Variants in CCDC187 observed in about 807,000 individuals in gnomAD.
CCDC187 encodes the protein coiled-coil domain-containing protein 187.
A neutral mutation model predicts 38.0 loss-of-function variants in CCDC187; 32 were observed. The observed-to-expected ratio is 0.84, with a 90% CI of 0.64 to 1.13. The LOEUF (loss-of-function observed/expected upper bound fraction) is 1.13, where lower values mean the gene tolerates loss of function less well. CCDC187 is among the 50% of genes most tolerant of loss of function. The pLI is 0.00. For missense variants in CCDC187, 707 were observed against 786.8 expected, an observed-to-expected ratio of 0.90 and a Z score of 1.21; for synonymous variants, 333 against 347.9, an observed-to-expected ratio of 0.96 and a Z score of 0.48.
intron 10 of CCDC187, among the ~76,000 whole-genome samples, chr9:136,278,306 G>A (rs1264674660): frequency 6.6e-6 from 1 of 152,224 alleles, no homozygotes; most frequent in Non-Finnish European, 1.5e-5. Flanking sequence ...TGTGGCCTGA[G>A]GAGGGGGAGT....
intron 19 of CCDC187, among the ~76,000 whole-genome samples, chr9:136,261,096 C>A (rs1354443361): frequency 6.6e-6 from 1 of 152,164 alleles, no homozygotes; most frequent in African/African-American, 2.4e-5. Flanking sequence ...CCTCGGCACG[C>A]GGCGTCTCAG....
chr9:136,284,326 G>A (rs1242531338), intron 9 of CCDC187, among the ~76,000 whole-genome samples: 1 of 152,170 alleles, frequency 6.6e-6, no homozygotes, highest in African/African-American at 2.4e-5. Context: ...CCCAGGCCCT[G>A]ATGTCTGGGG....
At chr9:136,272,762 G>A (rs1024868080) in intron 14 of CCDC187, among the ~76,000 whole-genome samples, 1 of 151,530 alleles carries the variant, frequency 6.6e-6, no homozygotes, top group Non-Finnish European at 1.5e-5. Flanking sequence ...TGGTCCCAGC[G>A]ACTTGGGAGG....
At chr9:136,281,291 G>A (rs934705456) in intron 10 of CCDC187, 1 of 397,676 alleles carries the variant, frequency 2.5e-6, no homozygotes, top group East Asian at 3.6e-5. Flanking sequence ...AGCGGCACGG[G>A]GCATGGCTGT....
At chr9:136,290,101 C>T (rs2131302197) in intron 6 of CCDC187, 48 bp from the exon 7 acceptor site, 1 of 398,720 alleles carries the variant, frequency 2.5e-6, no homozygotes, top group African/African-American at 2.1e-5. Context: ...GGGAAGACCA[C>T]ACGCCCCGTT....
At chr9:136,265,163 T>C (rs1830729463) in intron 17 of CCDC187, among the ~76,000 whole-genome samples, 1 of 152,228 alleles carries the variant, frequency 6.6e-6, no homozygotes, top group Non-Finnish European at 1.5e-5. Context: ...CCCTTGAGCC[T>C]GTGACCTGGG....
At chr9:136,267,691 C>A (rs529003417) in intron 15 of CCDC187, 180 bp from the exon 16 acceptor site, 17 of 925,728 alleles carry the variant, frequency 1.8e-5, no homozygotes, top group Non-Finnish European at 2.2e-5. Context: ...ATGCCGCCCT[C>A]GCTTCCCCGA....
chr9:136,300,559 G>A (rs1831654110), intron 2 of CCDC187, among the ~76,000 whole-genome samples: 1 of 151,788 alleles, frequency 6.6e-6, no homozygotes, highest in South Asian at 2.1e-4. Flanking sequence ...GCCAACAGGT[G>A]CTGGCCACCA....
At chr9:136,293,927 C>A (rs1346287001) in intron 4 of CCDC187, among the ~76,000 whole-genome samples, 1 of 146,992 alleles carries the variant, frequency 6.8e-6, no homozygotes, top group Non-Finnish European at 1.5e-5. Flanking sequence ...TATACACACT[C>A]CCTCGTGCTC....
intron 9 of CCDC187, among the ~76,000 whole-genome samples, chr9:136,284,602 C>T (rs951532283): frequency 0.32 from 48,505 of 151,744 alleles, 7,934 homozygotes; most frequent in Non-Finnish European, 0.34. Flanking sequence ...CAGGGAGCCG[C>T]GGGGACCAGG....
At chr9:136,255,517 G>A (rs2131105761) in intron 25 of CCDC187, 140 bp downstream of exon 25, 1 of 230,546 alleles carries the variant, frequency 4.3e-6, no homozygotes, top group East Asian at 1.8e-4. Context: ...GAGGTGCGTG[G>A]GCAGAGCCCC....
chr9:136,254,754 G>A lies in CCDC187; in HGVS notation c.5074C>T (p.Pro1692Ser). 1 of 985,534 alleles carries A rather than the reference G, an allele frequency of 1.0e-6. No individual in the cohort carries two copies. The highest frequency in any genetic ancestry group is 1.1e-4 in the East Asian group (1 of 8,818). The allele number at this position is 985,534 out of a possible 1,614,324, so 61.0% of individuals were successfully genotyped here. Reference sequence around the variant, plus strand: ...CCTCCACCCCCAGGAGCACTGCCTGGCCGAGGCTCACCCTGGTTTGACCGC... The same window carrying A: ...CCTCCACCCCCAGGAGCACTGCCTGACCGAGGCTCACCCTGGTTTGACCGC... ...SWRSNQGEPR[P>S]GSAPGGGGWV... Residue 1692 changes from proline to serine, a missense_variant, in exon 26 of 26, where the codon CCA becomes TCA. Transcript: ENST00000638797.
chr9:136,267,963 G>A, intron 15 of CCDC187, 86 bp downstream of exon 15: 2 of 985,472 alleles, frequency 2.0e-6, no homozygotes, highest in Non-Finnish European at 2.4e-6. Flanking sequence ...CTTCTTAGTG[G>A]AAGGACAGTT....
chr9:136,282,244 G>A (rs1382874814), intron 9 of CCDC187, among the ~76,000 whole-genome samples: 2 of 152,174 alleles, frequency 1.3e-5, no homozygotes, highest in Admixed American at 1.3e-4. Context: ...GGGAGCACCC[G>A]GGCTGTGACC....
chr9:136,295,349 G>C (rs954613537), intron 4 of CCDC187, among the ~76,000 whole-genome samples: 1 of 152,220 alleles, frequency 6.6e-6, no homozygotes, highest in Non-Finnish European at 1.5e-5. Context: ...GGTCCCGCTC[G>C]ATAAATGGGT....
chr9:136,251,953 C>T lies in CCDC187; in HGVS notation c.*1641G>A, dbSNP rs1830545388. ...AAGAGCCGGCCGCCCACCCAGTCCACCCCGGGAAGGTCCAGGCGACCGTCC... is the reference window on the plus strand; with the variant it reads ...AAGAGCCGGCCGCCCACCCAGTCCATCCCGGGAAGGTCCAGGCGACCGTCC... On this transcript the variant is annotated 3_prime_UTR_variant, in exon 26 of 26. Coordinates refer to ENST00000638797, the MANE Select transcript of CCDC187 (RefSeq NM_001378188.1). The T allele has an allele frequency of 8.6e-6, 1 of 116,510 alleles. No individual in the cohort carries two copies. The highest frequency in any genetic ancestry group is 8.2e-5 in the Admixed American group (1 of 12,222). The allele number at this position is 116,510 out of a possible 1,614,324, so 7.2% of individuals were successfully genotyped here.
At position 136,250,200 on chromosome 9, in the gene CCDC187, C is replaced by T. The variant is rs1554759094; in HGVS notation, c.*3394G>A. On this transcript the variant is annotated 3_prime_UTR_variant, in exon 26 of 26. Coordinates refer to ENST00000638797, the MANE Select transcript of CCDC187 (RefSeq NM_001378188.1). ...TCCGGTGCTCAGAGTAACCTGACGG[C>T]TCCGGCCCCCTCCAGGGCCGCTGTC... 1 of 162,088 alleles carries T rather than the reference C, an allele frequency of 6.2e-6. No individual in the cohort carries two copies. Among genetic ancestry groups the T allele is most frequent in the African/African-American group, 2.4e-5 (1 of 41,520 alleles). The allele number at this position is 162,088 out of a possible 1,614,324, so 10.0% of individuals were successfully genotyped here. A position where few individuals can be genotyped will look rare whatever the true frequency, so the allele number is the denominator to read the frequency against.
At chr9:136,289,908 C>CT in intron 7 of CCDC187, 51 bp downstream of exon 7, 2 of 389,094 alleles carry the variant, frequency 5.1e-6, no homozygotes, top group Middle Eastern at 6.5e-4. Flanking sequence ...TGTTCTTGGC[C>CT]CCCCCCAAGG....
At position 136,292,258 on chromosome 9, in the gene CCDC187, TC is replaced by T. The variant is rs1256246103; in HGVS notation, c.869del (p.Gly290AspfsTer5). The T allele has an allele frequency of 3.8e-5, 15 of 398,612 alleles. No homozygotes were observed. Among genetic ancestry groups the T allele is most frequent in the Non-Finnish European group, 6.6e-5 (15 of 226,190 alleles). 24.7% of individuals were successfully genotyped at this position (398,612 alleles called of 1,614,324 possible). A position where few individuals can be genotyped will look rare whatever the true frequency, so the allele number is the denominator to read the frequency against. On this transcript the variant is annotated frameshift_variant, in exon 5 of 26. Coordinates refer to ENST00000638797, the MANE Select transcript of CCDC187 (RefSeq NM_001378188.1). LOFTEE classifies it high-confidence loss of function. ...CAAGCAGCGACCTCACCAGAGCTTG[TC>T]CCTTTCTCCAGGCGTAAACACCAAC... ...ELVGVYAWRK[G>X]QALVRSLLGP...
Sources: gnomAD v4.1 joint callset for allele counts (sites outside exome capture counted in the v4.1 genomes callset) on GRCh38, gnomAD v4.1.1 for gene constraint, MANE v1.5 for transcripts, NCBI Gene and HGNC (gene_info 2026-07-23, HGNC 2026-07-21) for gene names.